The following MIPOL1 variants were observed in gnomAD, a reference collection of about 807,000 sequenced individuals.
The protein encoded by MIPOL1 is mirror-image polydactyly gene 1 protein.
A neutral mutation model predicts 60.9 loss-of-function variants in MIPOL1; 57 were observed. The ratio of observed to expected loss-of-function variants is 0.94; its 90% CI spans 0.76 to 1.17. MIPOL1 has a LOEUF of 1.17. MIPOL1 is among the 50% of genes most tolerant of loss of function. The pLI, the probability that MIPOL1 is intolerant of heterozygous loss-of-function variation, is 0.00. For missense variants in MIPOL1, 551 were observed against 511.6 expected (o/e 1.08, Z -0.74); for synonymous variants, 179 against 168.8 (o/e 1.06, Z -0.47).
intron 10 of MIPOL1, among the ~76,000 whole-genome samples, chr14:37,375,252 A>G (rs563927417): frequency 1.2e-4 from 18 of 152,160 alleles, no homozygotes; most frequent in African/African-American, 2.6e-4. Flanking sequence ...TGTGTCACCT[A>G]GGCTGGAGTC....
chr14:37,430,449 A>G (rs957425867), intron 11 of MIPOL1, among the ~76,000 whole-genome samples: 1 of 151,836 alleles, frequency 6.6e-6, no homozygotes, highest in Non-Finnish European at 1.5e-5. Flanking sequence ...AAGTCACTAT[A>G]TATATATTTA....
At chr14:37,313,734 A>G (rs1446012957) in intron 9 of MIPOL1, among the ~76,000 whole-genome samples, 1 of 152,200 alleles carries the variant, frequency 6.6e-6, no homozygotes, top group Non-Finnish European at 1.5e-5. Flanking sequence ...CTCTTCAATG[A>G]ATTTCATTGG....
intron 1 of MIPOL1, among the ~76,000 whole-genome samples, chr14:37,200,399 A>T (rs1411199123): frequency 6.6e-6 from 1 of 152,248 alleles, no homozygotes; most frequent in Non-Finnish European, 1.5e-5. Context: ...AGCATTCAGC[A>T]ATTTCATAAA....
chr14:37,517,272 A>T (rs2095376972), intron 12 of MIPOL1, among the ~76,000 whole-genome samples: 1 of 152,178 alleles, frequency 6.6e-6, no homozygotes, highest in Non-Finnish European at 1.5e-5. Context: ...AATACCTTCA[A>T]CTTATATATT....
chr14:37,438,098 T>C (rs949616987), intron 11 of MIPOL1, among the ~76,000 whole-genome samples: 2 of 152,168 alleles, frequency 1.3e-5, no homozygotes, highest in Admixed American at 1.3e-4. Context: ...TTTGGCCCTT[T>C]TTGATTAACA....
At chr14:37,424,264 T>G (rs1427984919) in intron 11 of MIPOL1, among the ~76,000 whole-genome samples, 2 of 152,164 alleles carry the variant, frequency 1.3e-5, no homozygotes, top group Non-Finnish European at 2.9e-5. Context: ...AAATAGGGTT[T>G]GTACAGAGGT....
At chr14:37,416,512 G>T (rs2093772139) in intron 10 of MIPOL1, among the ~76,000 whole-genome samples, 2 of 152,120 alleles carry the variant, frequency 1.3e-5, no homozygotes, top group South Asian at 4.1e-4. Flanking sequence ...TGACACAGCA[G>T]CAAGTATTTA....
intron 11 of MIPOL1, among the ~76,000 whole-genome samples, chr14:37,481,612 C>CACACAA (rs1555356178): frequency 2.2e-5 from 3 of 138,280 alleles, no homozygotes; most frequent in African/African-American, 8.2e-5. Flanking sequence ...CACACACACA[C>CACACAA]CGAAACCACA....
chr14:37,447,588 A>G (rs1016975055), intron 11 of MIPOL1, among the ~76,000 whole-genome samples: 2 of 152,084 alleles, frequency 1.3e-5, no homozygotes, highest in African/African-American at 4.8e-5. Context: ...AGTTTCACAG[A>G]TATTTCTTTA....
chr14:37,215,555 A>G lies in MIPOL1; in HGVS notation c.-199+17451A>G, dbSNP rs111273774. ...TGAAAATCACTTTCACTAGAGGAAG[A>G]CAGGATGGAAATAAAGAAGGAAGAG... On this transcript the variant is annotated intron_variant, in intron 1 of 12. Coordinates refer to ENST00000684589, the MANE Select transcript of MIPOL1 (RefSeq NM_001388067.1). Among the ~76,000 whole-genome samples the G allele has an allele frequency of 9.8e-5, 15 of 152,316 alleles. 1 individual carries two copies. The highest frequency in any genetic ancestry group is 2.9e-4 in the African/African-American group (12 of 41,562).
At chr14:37,460,334 TCAA>T (rs1350649361) in intron 11 of MIPOL1, among the ~76,000 whole-genome samples, 1 of 152,014 alleles carries the variant, frequency 6.6e-6, no homozygotes, top group East Asian at 1.9e-4. Flanking sequence ...ATAAAAACCT[TCAA>T]CAAACTAGGC....
intron 10 of MIPOL1, among the ~76,000 whole-genome samples, chr14:37,393,509 G>A (rs1810826301): frequency 6.6e-6 from 1 of 150,552 alleles, no homozygotes; most frequent in Non-Finnish European, 1.5e-5. Context: ...ATCAAACCTG[G>A]GTGGTTCATT....
intron 1 of MIPOL1, among the ~76,000 whole-genome samples, chr14:37,237,334 A>G (rs900641003): frequency 6.6e-6 from 1 of 152,156 alleles, no homozygotes; most frequent in African/African-American, 2.4e-5. Context: ...TGCTTCAAGT[A>G]CAAGACTCCC....
intron 10 of MIPOL1, among the ~76,000 whole-genome samples, chr14:37,411,051 T>C (rs1438447233): frequency 1.3e-5 from 2 of 152,164 alleles, no homozygotes; most frequent in East Asian, 1.9e-4. Flanking sequence ...GGAGAAAATA[T>C]GCTGTTTACA....
chr14:37,394,411 C>T (rs1383643710), intron 10 of MIPOL1, among the ~76,000 whole-genome samples: 1 of 151,928 alleles, frequency 6.6e-6, no homozygotes, highest in Non-Finnish European at 1.5e-5. Context: ...TCACTGCATC[C>T]ATACCGTCAT....
chr14:37,549,924 T>G lies in MIPOL1; in HGVS notation c.*2953T>G, dbSNP rs2153645384. 1 of 152,060 alleles carries G rather than the reference T, an allele frequency of 6.6e-6. No individual in the cohort carries two copies. Among genetic ancestry groups the G allele is most frequent in the Middle Eastern group, 3.4e-3 (1 of 294 alleles). The allele number at this position is 152,060 out of a possible 1,614,324, so 9.4% of individuals were successfully genotyped here. A position where few individuals can be genotyped will look rare whatever the true frequency, so the allele number is the denominator to read the frequency against. On this transcript the variant is annotated 3_prime_UTR_variant, in exon 13 of 13. Coordinates refer to ENST00000684589, the MANE Select transcript of MIPOL1 (RefSeq NM_001388067.1). ...TCAGCTTAGTTTTTTAACATGGTAGTCTAAACTTCAAGGCTTGCTCTATCT... is the reference window on the plus strand; with the variant it reads ...TCAGCTTAGTTTTTTAACATGGTAGGCTAAACTTCAAGGCTTGCTCTATCT...
intron 9 of MIPOL1, among the ~76,000 whole-genome samples, chr14:37,362,799 G>C (rs147455381): frequency 0.01 from 1,534 of 152,186 alleles, 23 homozygotes; most frequent in African/African-American, 0.035. Flanking sequence ...TGGAGGCTTT[G>C]TTTGTTTCTT....
At chr14:37,319,611 A>AAAACAAGGAGAGGAATAG (rs2088327840) in intron 9 of MIPOL1, among the ~76,000 whole-genome samples, 1 of 152,176 alleles carries the variant, frequency 6.6e-6, no homozygotes, top group Non-Finnish European at 1.5e-5. Flanking sequence ...CTAAACAAGA[A>AAAACAAGGAGAGGAATAG]AAACAAGGAG....
intron 3 of MIPOL1, 21 bp from the exon 4 acceptor site, chr14:37,266,917 T>C (rs2082917160): frequency 6.7e-7 from 1 of 1,503,298 alleles, no homozygotes; most frequent in Non-Finnish European, 9.2e-7. Context: ...TATCATGTGT[T>C]ATTTGTTTGT....
Sources: gnomAD v4.1 joint callset for allele counts (sites outside exome capture counted in the v4.1 genomes callset) on GRCh38, gnomAD v4.1.1 for gene constraint, MANE v1.5 for transcripts, NCBI Gene and HGNC (gene_info 2026-07-23, HGNC 2026-07-21) for gene names.